Variants in CELF2 observed in about 807,000 individuals in gnomAD.
CELF2 encodes the protein CUG triplet repeat RNA-binding protein 2.
A neutral mutation model predicts 62.6 loss-of-function variants in CELF2; 8 were observed. The observed-to-expected ratio is 0.13, with a 90% CI of 0.07 to 0.23. The LOEUF (loss-of-function observed/expected upper bound fraction) is 0.23, where lower values mean the gene tolerates loss of function less well. Ranked by LOEUF, CELF2 falls within the 10% of genes least tolerant of loss-of-function variation. The pLI is 1.00. For missense variants in CELF2, 333 were observed against 671.0 expected (o/e 0.50, Z 5.56); for synonymous variants, 258 against 250.0 (o/e 1.03, Z -0.30).
At chr10:10,680,096 T>TC in the CELF2 span, among the ~76,000 whole-genome samples, 2 of 152,120 alleles carry the variant, frequency 1.3e-5, no homozygotes, top group Non-Finnish European at 2.9e-5. Context: ...TGCTATCCAC[T>TC]CCCCAAAACA....
chr10:11,078,733 C>A lies in CELF2; in HGVS notation c.74+60570C>A, dbSNP rs1249252938. On this transcript the variant is annotated intron_variant, in intron 1 of 12. Coordinates refer to ENST00000633077, the MANE Select transcript of CELF2 (RefSeq NM_001326342.2). ...CGGCTTGCAGAAAATATAAAAGAATCGGAGGCTGCCAGTCTGTATTCTCTT... is the reference window on the plus strand; with the variant it reads ...CGGCTTGCAGAAAATATAAAAGAATAGGAGGCTGCCAGTCTGTATTCTCTT... Among the ~76,000 whole-genome samples, 5 of 152,112 alleles carry A rather than the reference C, an allele frequency of 3.3e-5. No individual in the cohort carries two copies. The East Asian group carries it at 9.6e-4, about 29-fold the overall frequency.
At chr10:11,152,355 A>C (rs2063498124) in intron 1 of CELF2, among the ~76,000 whole-genome samples, 2 of 152,202 alleles carry the variant, frequency 1.3e-5, no homozygotes, top group African/African-American at 2.4e-5. Flanking sequence ...ATTGTTCATC[A>C]TTGTGTTCTG....
At chr10:11,266,554 T>A in intron 5 of CELF2, 44 bp from the exon 6 acceptor site, 2 of 1,527,530 alleles carry the variant, frequency 1.3e-6, no homozygotes, top group Non-Finnish European at 1.8e-6. Context: ...TTTTGTCTTG[T>A]TGTTTTTTGT....
the CELF2 span, among the ~76,000 whole-genome samples, chr10:10,787,405 A>G: frequency 6.6e-6 from 1 of 152,234 alleles, no homozygotes; most frequent in Non-Finnish European, 1.5e-5. Flanking sequence ...AACAGAACAT[A>G]CTTAGAGTAA....
chr10:11,086,034 A>C (rs1260884873), intron 1 of CELF2, among the ~76,000 whole-genome samples: 1 of 152,180 alleles, frequency 6.6e-6, no homozygotes, highest in African/African-American at 2.4e-5. Context: ...AACTTCATAA[A>C]TGTTAGCTAT....
intron 1 of CELF2, among the ~76,000 whole-genome samples, chr10:11,100,860 T>C (rs2051401395): frequency 6.6e-6 from 1 of 152,234 alleles, no homozygotes; most frequent in African/African-American, 2.4e-5. Context: ...TCTCTGATTT[T>C]CTTCTCTTCT....
chr10:10,688,491 C>T, the CELF2 span, among the ~76,000 whole-genome samples: 1 of 152,184 alleles, frequency 6.6e-6, no homozygotes, highest in African/African-American at 2.4e-5. Flanking sequence ...TCATAAGTAT[C>T]ATTGTGCCAC....
chr10:10,564,120 A>G, the CELF2 span, among the ~76,000 whole-genome samples: 9 of 152,234 alleles, frequency 5.9e-5, no homozygotes, highest in Non-Finnish European at 1.0e-4. Context: ...TTTGCCTCCA[A>G]TGCCTCTGTG....
intron 2 of CELF2, among the ~76,000 whole-genome samples, chr10:10,945,554 G>A (rs1353275536): frequency 6.6e-6 from 1 of 152,204 alleles, no homozygotes; most frequent in Non-Finnish European, 1.5e-5. Flanking sequence ...CCTGACTTAG[G>A]TGGGCTTGCC....
rs17438224 is a variant in CELF2, at chr10:10,926,072, C to T, written c.89+6073C>T. 5.1e-3 allele frequency among the ~76,000 whole-genome samples: 778 copies of T among 152,262 alleles called. 3 individuals carry two copies. The highest frequency in any genetic ancestry group is 0.024 in the Middle Eastern group (7 of 294). ...TCAGGTTGAATCCATTGAAAAGCCT[C>T]GGTAGTTACAGCAGGCTAAAAATGC... On this transcript the variant is annotated intron_variant, in intron 2 of 13. Transcript: ENST00000636488.
chr10:11,325,179 C>T (rs1352273220), intron 11 of CELF2, among the ~76,000 whole-genome samples: 2 of 152,202 alleles, frequency 1.3e-5, no homozygotes, highest in African/African-American at 2.4e-5. Context: ...CTTTGCCCAG[C>T]TTCTACATCC....
chr10:11,117,763 G>A lies in CELF2; in HGVS notation c.75-47723G>A, dbSNP rs936855535. Among the ~76,000 whole-genome samples, 7 of 152,096 alleles carry A rather than the reference G, an allele frequency of 4.6e-5. No homozygotes were observed. The highest frequency in any genetic ancestry group is 1.9e-4 in the East Asian group (1 of 5,184). On this transcript the variant is annotated intron_variant, in intron 1 of 12. Transcript: ENST00000633077. This position sits in a 1 kb window ranked among gnomAD's most constrained non-coding sequence, Gnocchi z 4.1. Reference sequence around the variant, plus strand: ...CTTGAGTGGCTCTTCCACTGACCCCGGAACTTCCAAAGCATCAGGCTTGGG... The same window carrying A: ...CTTGAGTGGCTCTTCCACTGACCCCAGAACTTCCAAAGCATCAGGCTTGGG...
chr10:10,981,077 A>G (rs1285695463), intron 2 of CELF2, among the ~76,000 whole-genome samples: 1 of 152,234 alleles, frequency 6.6e-6, no homozygotes, highest in Non-Finnish European at 1.5e-5. Context: ...CCCTTCTGCC[A>G]TTGTGACACG....
chr10:11,022,993 C>T (rs78456066), intron 1 of CELF2, among the ~76,000 whole-genome samples: 8,933 of 152,272 alleles, frequency 0.059, 310 homozygotes, highest in Middle Eastern at 0.14. Context: ...AATAAGTCAT[C>T]AATGTTGCTT....
At chr10:11,176,007 T>C (rs1314577715) in intron 2 of CELF2, among the ~76,000 whole-genome samples, 6 of 152,158 alleles carry the variant, frequency 3.9e-5, no homozygotes, top group Non-Finnish European at 8.8e-5. Flanking sequence ...TGCATGTGTG[T>C]TCTTGTGCGC....
intron 8 of CELF2, among the ~76,000 whole-genome samples, chr10:11,278,659 G>A (rs11257045): frequency 0.13 from 19,716 of 152,184 alleles, 2,549 homozygotes; most frequent in African/African-American, 0.33. Context: ...TCATGCAGCT[G>A]TCCTCATAGC....
At chr10:10,728,486 A>G in the CELF2 span, among the ~76,000 whole-genome samples, 1 of 151,644 alleles carries the variant, frequency 6.6e-6, no homozygotes, top group African/African-American at 2.4e-5. Context: ...AGAGAGAAAA[A>G]AATGCAAGCA....
rs569129842 is a variant in CELF2 at position 11,328,792 on chromosome 10, C to T, written c.1439-134C>T. ...ACTCACGGTGGACTCACGATCAGTT[C>T]CGCAGAGCTGTGCTGGGCCCGTGGG... On this transcript the variant is annotated intron_variant, in intron 12 of 12. Coordinates refer to ENST00000633077, the MANE Select transcript of CELF2 (RefSeq NM_001326342.2). The surrounding 1 kb of genome is among the most constrained non-coding windows in gnomAD (Gnocchi z 6.4). The T allele has an allele frequency of 4.1e-6, 4 of 976,262 alleles. No homozygotes were observed. In the South Asian group the frequency reaches 5.0e-5, roughly 12 times the overall value. The allele number at this position is 976,262 out of a possible 1,614,324, so 60.5% of individuals were successfully genotyped here. A position where few individuals can be genotyped will look rare whatever the true frequency, so the allele number is the denominator to read the frequency against.
intron 1 of CELF2, among the ~76,000 whole-genome samples, chr10:11,125,786 C>G (rs1378576499): frequency 6.6e-6 from 1 of 152,170 alleles, no homozygotes; most frequent in Non-Finnish European, 1.5e-5. Context: ...TCCTAAAACT[C>G]ATTTATACTG....
Sources: allele counts gnomAD v4.1 joint callset (sites outside exome capture counted in the v4.1 genomes callset), GRCh38; gene constraint gnomAD v4.1.1; non-coding constraint Gnocchi (gnomAD v3.1); transcripts MANE v1.5; gene names NCBI Gene and HGNC (gene_info 2026-07-23, HGNC 2026-07-21).